RAI2: variants seen among roughly 807,000 people sequenced by gnomAD.
The protein encoded by RAI2 is retinoic acid-induced protein 2.
A neutral mutation model predicts 15.3 loss-of-function variants in RAI2; 5 were observed. That is an observed-to-expected ratio of 0.33 (90% CI 0.17 to 0.69). RAI2 has a LOEUF of 0.69. Among genes scored for constraint, RAI2 ranks in the 30% least tolerant of loss-of-function variants. RAI2 has a pLI of 0.69. For missense variants in RAI2, 424 were observed against 424.7 expected (o/e 1.00, Z 0.01); for synonymous variants, 191 against 184.0 (o/e 1.04, Z -0.31).
chrX:17,849,832 A>G (rs2067507358), intron 1 of RAI2, among the ~76,000 whole-genome samples: 1 of 112,813 alleles, frequency 8.9e-6, no homozygotes, highest in African/African-American at 3.2e-5. Flanking sequence ...GACTTGTAGT[A>G]AGGCTGCAAT....
At chrX:17,824,001 A>G (rs1386322711) in intron 1 of RAI2, among the ~76,000 whole-genome samples, 1 of 112,367 alleles carries the variant, frequency 8.9e-6, no homozygotes, top group Admixed American at 9.4e-5. Flanking sequence ...GGAATCAATT[A>G]ATATTTGTTT....
At chrX:17,802,998 C>T (rs2066934796) in intron 1 of RAI2, among the ~76,000 whole-genome samples, 1 of 111,616 alleles carries the variant, frequency 9.0e-6, no homozygotes, top group Non-Finnish European at 1.9e-5. Context: ...AGAAGGCAGG[C>T]ACCATGTCTA....
chrX:17,860,913 C>A (rs1198431613), intron 1 of RAI2, among the ~76,000 whole-genome samples, 185 bp downstream of exon 1: 1 of 105,122 alleles, frequency 9.5e-6, no homozygotes, highest in Non-Finnish European at 2.0e-5. Flanking sequence ...GTCCCCGCCC[C>A]CGCCCGGCCC....
intron 1 of RAI2, among the ~76,000 whole-genome samples, chrX:17,840,782 A>T (rs1384475042): frequency 8.9e-6 from 1 of 111,880 alleles, no homozygotes; most frequent in African/African-American, 3.3e-5. Context: ...GCTTGGAGGA[A>T]AACCTAGAAA....
intron 1 of RAI2, among the ~76,000 whole-genome samples, chrX:17,804,517 C>T (rs2066956627): frequency 8.9e-6 from 1 of 112,127 alleles, no homozygotes; most frequent in East Asian, 2.8e-4. Flanking sequence ...CCTTGTCCCT[C>T]ACAGTGGCCA....
intron 1 of RAI2, among the ~76,000 whole-genome samples, chrX:17,822,292 AC>A (rs942997243): frequency 4.5e-5 from 5 of 112,148 alleles, no homozygotes; most frequent in Non-Finnish European, 9.4e-5. Flanking sequence ...AGGTTCACTT[AC>A]CCCCTCTCTT....
intron 1 of RAI2, among the ~76,000 whole-genome samples, chrX:17,817,183 C>A (rs2067118269): frequency 9.0e-6 from 1 of 111,442 alleles, no homozygotes; most frequent in South Asian, 3.8e-4. Context: ...GCAGAGCTTC[C>A]TGGGACCCAC....
intron 1 of RAI2, among the ~76,000 whole-genome samples, chrX:17,843,555 TA>T (rs952700508): frequency 3.8e-4 from 42 of 110,445 alleles, no homozygotes; most frequent in African/African-American, 1.2e-3. Flanking sequence ...TGTTCTTGAA[TA>T]AAAAAAAAGA....
intron 1 of RAI2, among the ~76,000 whole-genome samples, chrX:17,852,590 T>C (rs2067549435): frequency 9.0e-6 from 1 of 111,676 alleles, no homozygotes; most frequent in East Asian, 2.8e-4. Flanking sequence ...TTTCCATGTA[T>C]GGGCAGGGCA....
At chrX:17,816,383 G>A (rs1249776463) in intron 1 of RAI2, among the ~76,000 whole-genome samples, 1 of 112,216 alleles carries the variant, frequency 8.9e-6, no homozygotes, top group Non-Finnish European at 1.9e-5. Context: ...GGAGGAGATG[G>A]AAGAGAGACA....
rs370421119 is a variant in RAI2, at chrX:17,817,978, C to A, written c.-24-15944G>T. On this transcript the variant is annotated intron_variant, in intron 1 of 1. Coordinates refer to ENST00000451717, the MANE Select transcript of RAI2 (RefSeq NM_021785.6). ...AAGCATCCTCCTCCTGCACTGGGTT[C>A]TTCTCCCAAATGCTGGTTCTAAACA... Among the ~76,000 whole-genome samples the A allele has an allele frequency of 4.1e-3, 455 of 112,140 alleles. 2 individuals carry two copies. The highest frequency in any genetic ancestry group is 0.014 in the African/African-American group (419 of 30,858).
At chrX:17,847,858 G>T (rs1380660224) in intron 1 of RAI2, among the ~76,000 whole-genome samples, 1 of 112,178 alleles carries the variant, frequency 8.9e-6, no homozygotes, top group African/African-American at 3.2e-5. Context: ...GGTGATGATG[G>T]TGACAAAGAC....
In RAI2 at chrX:17,800,571, G is replaced by A; in HGVS notation, c.1440C>T (p.Ile480=). 2 of 1,210,803 alleles carry A rather than the reference G, an allele frequency of 1.7e-6. No individual in the cohort carries two copies. Among genetic ancestry groups the A allele is most frequent in the Non-Finnish European group, 2.2e-6 (2 of 894,825 alleles). The change falls in exon 2 of 2, where the codon ATC becomes ATT. Residue 480 remains isoleucine, a synonymous_variant. Transcript: ENST00000451717. ...CCATGGACTCTTCCCCTTGGCTGTT[G>A]ATGTCATAGCCCTGAAGCACGGAGT... ...REDSVLQGYD[I]NSQGEESMGN... is the part of the protein sequence containing the mutation.
intron 1 of RAI2, among the ~76,000 whole-genome samples, chrX:17,821,539 GGT>G (rs1194290152): frequency 9.1e-6 from 1 of 109,436 alleles, no homozygotes; most frequent in African/African-American, 3.4e-5. Context: ...ACTCTAAGGA[GGT>G]GTGTGTGTGT....
intron 1 of RAI2, among the ~76,000 whole-genome samples, chrX:17,804,013 G>A (rs931219592): frequency 3.7e-5 from 4 of 107,210 alleles, no homozygotes; most frequent in Admixed American, 3.0e-4. Flanking sequence ...AGGCTGGAGC[G>A]CAGTGGCGCA....
intron 1 of RAI2, among the ~76,000 whole-genome samples, chrX:17,847,324 C>T (rs758152238): frequency 3.2e-4 from 36 of 111,766 alleles, no homozygotes; most frequent in Non-Finnish European, 6.0e-4. Flanking sequence ...TTCCCTCCAC[C>T]GTCCCCATCC....
intron 1 of RAI2, among the ~76,000 whole-genome samples, chrX:17,806,066 C>A (rs2066977201): frequency 8.9e-6 from 1 of 112,168 alleles, no homozygotes; most frequent in South Asian, 3.8e-4. Flanking sequence ...GTTGCTGCTG[C>A]AGGGGCTAAT....
intron 1 of RAI2, among the ~76,000 whole-genome samples, chrX:17,857,900 G>T (rs1477522787): frequency 1.8e-5 from 2 of 111,970 alleles, no homozygotes; most frequent in East Asian, 5.7e-4. Flanking sequence ...GGGTGACTGG[G>T]TTGCCCACTG....
In RAI2 at chrX:17,825,161, G is replaced by GA. The variant is rs59502304; in HGVS notation, c.-24-23128dup. Among the ~76,000 whole-genome samples, 4 of 112,524 alleles carry GA rather than the reference G, an allele frequency of 3.6e-5. No individual in the cohort carries two copies. The South Asian group carries it at 1.5e-3, about 41-fold the overall frequency. On this transcript the variant is annotated intron_variant, in intron 1 of 1. Transcript: ENST00000451717. ...TGTTACAAAATCAAAGCAGTGGGGG[G>GA]AAAAAAATCAAAGGAAACGATCACT...
Sources: allele counts gnomAD v4.1 joint callset (sites outside exome capture counted in the v4.1 genomes callset), GRCh38; gene constraint gnomAD v4.1.1; transcripts MANE v1.5; gene names NCBI Gene and HGNC (gene_info 2026-07-23, HGNC 2026-07-21).